Variants in ADARB2 observed in about 807,000 individuals in gnomAD.
ADARB2 encodes the protein adenosine deaminase RNA specific B2 (inactive).
A neutral mutation model predicts 62.2 loss-of-function variants in ADARB2; 25 were observed. The ratio of observed to expected loss-of-function variants is 0.40; its 90% CI spans 0.29 to 0.56. The LOEUF (loss-of-function observed/expected upper bound fraction) is 0.56. ADARB2 is among the 20% of genes least tolerant of loss of function. The pLI is 0.43. For synonymous variants in ADARB2, 572 were observed against 500.8 expected, an observed-to-expected ratio of 1.14 and a Z score of -1.90; for missense variants, 1,071 against 1,077.4, an observed-to-expected ratio of 0.99 and a Z score of 0.08.
intron 1 of ADARB2, among the ~76,000 whole-genome samples, chr10:1,467,010 G>C (rs1177288815): frequency 1.3e-5 from 2 of 151,990 alleles, no homozygotes; most frequent in Non-Finnish European, 2.9e-5. Context: ...TTCAGCAGGG[G>C]ACTCCGTATT....
intron 1 of ADARB2, among the ~76,000 whole-genome samples, chr10:1,649,016 G>A (rs1834078777): frequency 1.3e-5 from 2 of 152,200 alleles, no homozygotes; most frequent in South Asian, 4.1e-4. Flanking sequence ...CTTTACAGAG[G>A]ATGCTACCAT....
chr10:1,498,541 C>CA (rs945225318), intron 1 of ADARB2, among the ~76,000 whole-genome samples: 7 of 149,362 alleles, frequency 4.7e-5, no homozygotes, highest in Admixed American at 1.3e-4. Flanking sequence ...TCCTAGGATA[C>CA]AAAAAAAAAT....
intron 4 of ADARB2, among the ~76,000 whole-genome samples, 180 bp from the exon 5 acceptor site, chr10:1,242,479 C>T (rs754650557): frequency 6.6e-6 from 1 of 152,246 alleles, no homozygotes; most frequent in Non-Finnish European, 1.5e-5. Flanking sequence ...TGACCGCCCG[C>T]CTGAGGGATT....
chr10:1,393,907 A>G (rs1832590405), intron 1 of ADARB2, among the ~76,000 whole-genome samples: 1 of 152,190 alleles, frequency 6.6e-6, no homozygotes, highest in African/African-American at 2.4e-5. Flanking sequence ...TTTCCAAAGG[A>G]TTAGCCAAGG....
chr10:1,391,125 A>C (rs1002159118), intron 1 of ADARB2, among the ~76,000 whole-genome samples: 26 of 152,196 alleles, frequency 1.7e-4, no homozygotes, highest in African/African-American at 6.3e-4. Context: ...TACTTAGGTC[A>C]CAAGTCAAAT....
intron 3 of ADARB2, among the ~76,000 whole-genome samples, chr10:1,314,896 C>T (rs913991789): frequency 2.6e-5 from 4 of 152,168 alleles, no homozygotes; most frequent in African/African-American, 9.7e-5. Flanking sequence ...AGATATTTCA[C>T]TGTTGGTGCA....
At chr10:1,495,218 A>G (rs191598164) in intron 1 of ADARB2, among the ~76,000 whole-genome samples, 135 of 152,352 alleles carry the variant, frequency 8.9e-4, no homozygotes, top group African/African-American at 3.1e-3. Flanking sequence ...TATTTCTTCC[A>G]TTAAAGCACA....
chr10:1,653,155 G>C (rs1456558030), intron 1 of ADARB2, among the ~76,000 whole-genome samples: 1 of 152,216 alleles, frequency 6.6e-6, no homozygotes, highest in Non-Finnish European at 1.5e-5. Flanking sequence ...ACTTGCACGA[G>C]GGTGTCAGCG....
intron 1 of ADARB2, among the ~76,000 whole-genome samples, chr10:1,713,855 G>A (rs77933037): frequency 0.015 from 2,235 of 152,230 alleles, 56 homozygotes; most frequent in African/African-American, 0.051. Flanking sequence ...GGAGGACTCC[G>A]GTTACAGACG....
At position 1,183,146 on chromosome 10, in the gene ADARB2, C is replaced by T. The variant is rs1425785793; in HGVS notation, c.*47G>A. The T allele has an allele frequency of 2.5e-6, 4 of 1,592,958 alleles. No homozygotes were observed. The highest frequency in any genetic ancestry group is 1.7e-6 in the Non-Finnish European group (2 of 1,166,184). ...CCACGTCGCCCCCCAGACACGGTCCCATCCCTCCAGCGTCCCGCTCAGCTC... is the reference window on the plus strand; with the variant it reads ...CCACGTCGCCCCCCAGACACGGTCCTATCCCTCCAGCGTCCCGCTCAGCTC... On this transcript the variant is annotated 3_prime_UTR_variant, in exon 10 of 10. Coordinates refer to ENST00000381312, the MANE Select transcript of ADARB2 (RefSeq NM_018702.4).
intron 1 of ADARB2, among the ~76,000 whole-genome samples, chr10:1,422,310 G>A (rs377400642): frequency 6.6e-6 from 1 of 152,154 alleles, no homozygotes; most frequent in Non-Finnish European, 1.5e-5. Context: ...GCTCTGATTC[G>A]GTAAATTTAT....
chr10:1,472,007 T>C (rs141197902), intron 1 of ADARB2, among the ~76,000 whole-genome samples: 35 of 152,330 alleles, frequency 2.3e-4, no homozygotes, highest in African/African-American at 7.2e-4. Flanking sequence ...ATTTATGCTA[T>C]AATTCAATCC....
At chr10:1,548,720 A>G (rs1392207549) in intron 1 of ADARB2, among the ~76,000 whole-genome samples, 1 of 152,246 alleles carries the variant, frequency 6.6e-6, no homozygotes, top group African/African-American at 2.4e-5. Flanking sequence ...ACTGACAGAA[A>G]GAAACAGGAA....
At chr10:1,362,440 C>T (rs1353829572) in intron 3 of ADARB2, among the ~76,000 whole-genome samples, 1 of 152,238 alleles carries the variant, frequency 6.6e-6, no homozygotes, top group African/African-American at 2.4e-5. Context: ...CAGTTGAGAA[C>T]ATGTCTGGAG....
intron 1 of ADARB2, among the ~76,000 whole-genome samples, chr10:1,519,100 G>A (rs1231921865): frequency 1.3e-5 from 2 of 149,880 alleles, no homozygotes; most frequent in East Asian, 2.0e-4. Context: ...GTCTGTACAC[G>A]GTGTGGTCAT....
At chr10:1,641,333 C>T (rs1198582918) in intron 1 of ADARB2, among the ~76,000 whole-genome samples, 10 of 152,238 alleles carry the variant, frequency 6.6e-5, no homozygotes, top group South Asian at 2.1e-4. Flanking sequence ...TGACCTGCCA[C>T]GTGCTGACCT....
chr10:1,306,591 C>T (rs1004178441), intron 3 of ADARB2, among the ~76,000 whole-genome samples: 137 of 149,458 alleles, frequency 9.2e-4, no homozygotes, highest in African/African-American at 2.8e-3. Context: ...AAAAAGAGCC[C>T]GCATCGCTAA....
At chr10:1,653,429 G>A (rs1472189898) in intron 1 of ADARB2, among the ~76,000 whole-genome samples, 1 of 152,138 alleles carries the variant, frequency 6.6e-6, no homozygotes, top group Non-Finnish European at 1.5e-5. Context: ...GGCTCTGTGG[G>A]GTCCCAGGAA....
chr10:1,491,779 A>G (rs1364089080), intron 1 of ADARB2, among the ~76,000 whole-genome samples: 3 of 152,230 alleles, frequency 2.0e-5, no homozygotes, highest in African/African-American at 7.2e-5. Context: ...AAAGAAAAAG[A>G]AATCAGAGTG....
Sources: allele counts gnomAD v4.1 joint callset (sites outside exome capture counted in the v4.1 genomes callset), GRCh38; gene constraint gnomAD v4.1.1; transcripts MANE v1.5; gene names NCBI Gene and HGNC (gene_info 2026-07-23, HGNC 2026-07-21).